AUTS2: variants seen among roughly 807,000 people sequenced by gnomAD.
The protein encoded by AUTS2 is autism susceptibility gene 2 protein.
AUTS2 carries 17 observed loss-of-function variants against 112.4 expected under a neutral mutation model. That is an observed-to-expected ratio of 0.15 (90% CI 0.10 to 0.23). The LOEUF (loss-of-function observed/expected upper bound fraction) is 0.23, where lower values mean the gene tolerates loss of function less well. Among genes scored for constraint, AUTS2 ranks in the 10% least tolerant of loss-of-function variants. The probability of loss-of-function intolerance (pLI) is 1.00; values close to 1 mark genes in which losing one functional copy is unlikely to be tolerated. For synonymous variants in AUTS2, 751 were observed against 702.7 expected (o/e 1.07, Z -1.09); for missense variants, 1,510 against 1,701.6 (o/e 0.89, Z 1.98).
intron 4 of AUTS2, among the ~76,000 whole-genome samples, chr7:70,337,967 A>G (rs529803651): frequency 6.6e-6 from 1 of 152,348 alleles, no homozygotes; most frequent in East Asian, 1.9e-4. Flanking sequence ...ATTTTTAAAT[A>G]CTAATTTTAC....
At chr7:69,726,566 A>G (rs1307888817) in intron 1 of AUTS2, among the ~76,000 whole-genome samples, 1 of 151,364 alleles carries the variant, frequency 6.6e-6, no homozygotes, top group African/African-American at 2.4e-5. Context: ...TAAGTGCCTA[A>G]TTGTGGAATT....
intron 6 of AUTS2, among the ~76,000 whole-genome samples, chr7:70,713,854 C>T (rs1810200549): frequency 6.6e-6 from 1 of 151,476 alleles, no homozygotes; most frequent in South Asian, 2.1e-4. Flanking sequence ...GGAGATCGCG[C>T]CATTGCACTC....
chr7:70,432,226 C>T (rs1235489561), intron 4 of AUTS2, among the ~76,000 whole-genome samples: 1 of 152,190 alleles, frequency 6.6e-6, no homozygotes, highest in Non-Finnish European at 1.5e-5. Context: ...CGCTGGGACG[C>T]CGTCTCTGCA....
At position 70,120,894 on chromosome 7, in the gene AUTS2, C is replaced by T. The variant is rs76115707; in HGVS notation, c.624+2661C>T. On this transcript the variant is annotated intron_variant, in intron 3 of 18. Transcript: ENST00000342771. ...TGGCATAAGGCCTTAATAACCAACA[C>T]AGTCTGGAAAAAGAGCAAAGTTAGA... 3.0e-3 allele frequency among the ~76,000 whole-genome samples: 450 copies of T among 152,240 alleles called. 16 individuals carry two copies. In the East Asian group the frequency reaches 0.074, roughly 25 times the overall value.
At chr7:70,743,468 CAAAAAAAAAA>C (rs35444664) in intron 6 of AUTS2, among the ~76,000 whole-genome samples, 4 of 71,252 alleles carry the variant, frequency 5.6e-5, no homozygotes, top group Middle Eastern at 8.9e-3. Context: ...GACTCTGTCT[CAAAAAAAAAA>C]AAAAAAAAAA....
intron 1 of AUTS2, among the ~76,000 whole-genome samples, chr7:69,816,965 T>G (rs1232797245): frequency 6.6e-6 from 1 of 152,242 alleles, no homozygotes; most frequent in Non-Finnish European, 1.5e-5. Context: ...TTGTGACCTC[T>G]GTTACCTCTT....
intron 4 of AUTS2, among the ~76,000 whole-genome samples, chr7:70,428,169 T>C (rs1175573110): frequency 6.6e-6 from 1 of 152,192 alleles, no homozygotes; most frequent in Non-Finnish European, 1.5e-5. Flanking sequence ...ATTTTCAGGT[T>C]TAAAAATTTA....
At chr7:70,729,499 C>T (rs534950481) in intron 6 of AUTS2, among the ~76,000 whole-genome samples, 20 of 152,322 alleles carry the variant, frequency 1.3e-4, no homozygotes, top group Non-Finnish European at 2.2e-4. Context: ...ATTCAACCCT[C>T]GTTTTCTGTT....
intron 4 of AUTS2, among the ~76,000 whole-genome samples, chr7:70,225,230 T>C (rs1811701555): frequency 6.6e-6 from 1 of 152,220 alleles, no homozygotes; most frequent in South Asian, 2.1e-4. Flanking sequence ...CAGATGCAAA[T>C]TAAAGAAATA....
intron 5 of AUTS2, among the ~76,000 whole-genome samples, chr7:70,673,679 T>C (rs1807763068): frequency 1.3e-5 from 2 of 152,130 alleles, no homozygotes; most frequent in South Asian, 4.1e-4. Flanking sequence ...CCTGGCCGGA[T>C]TGTACTCTTT....
intron 4 of AUTS2, among the ~76,000 whole-genome samples, chr7:70,275,946 C>T (rs953169616): frequency 6.6e-6 from 1 of 152,106 alleles, no homozygotes; most frequent in Non-Finnish European, 1.5e-5. Context: ...AGCATGAGAA[C>T]GTATTAATAC....
chr7:70,759,995 G>A lies in AUTS2; in HGVS notation c.743-2875G>A, dbSNP rs528167081. On this transcript the variant is annotated intron_variant, in intron 6 of 18. Transcript: ENST00000342771. ...ACCAGCCCAGTCTGGAGAAAACAGA[G>A]TAATACAAAAAGATTTTTTTTTTTT... Among the ~76,000 whole-genome samples, 6 of 152,150 alleles carry A rather than the reference G, an allele frequency of 3.9e-5. No homozygotes were observed. In the South Asian group the frequency reaches 1.0e-3, roughly 26 times the overall value.
intron 5 of AUTS2, among the ~76,000 whole-genome samples, chr7:70,574,726 A>G (rs1254109927): frequency 6.6e-6 from 1 of 152,172 alleles, no homozygotes; most frequent in Non-Finnish European, 1.5e-5. Context: ...AGGAGCCACT[A>G]ACTAGGGCAG....
rs376114323 is a variant in AUTS2, at chr7:70,781,778, G to C, written c.2146+22G>C. The C allele has an allele frequency of 4.3e-6, 7 of 1,611,284 alleles. No individual in the cohort carries two copies. In the African/African-American group the frequency reaches 9.4e-5, roughly 22 times the overall value. Reference sequence around the variant, plus strand: ...GCTGGTGAGTGTGGGTTTGGGTGGGGGGACAGAGCTGAGAAATGTAGTTCT... The same window carrying C: ...GCTGGTGAGTGTGGGTTTGGGTGGGCGGACAGAGCTGAGAAATGTAGTTCT... On this transcript the variant is annotated intron_variant, in intron 15 of 18. Coordinates refer to ENST00000342771, the MANE Select transcript of AUTS2 (RefSeq NM_015570.4).
intron 5 of AUTS2, among the ~76,000 whole-genome samples, chr7:70,561,716 G>T (rs1016550636): frequency 6.6e-6 from 1 of 152,074 alleles, no homozygotes; most frequent in Non-Finnish European, 1.5e-5. Flanking sequence ...ATATACCCAA[G>T]GAGGGAAGGA....
intron 2 of AUTS2, among the ~76,000 whole-genome samples, chr7:70,007,406 G>A (rs1224056906): frequency 6.6e-6 from 1 of 151,892 alleles, no homozygotes; most frequent in Non-Finnish European, 1.5e-5. Context: ...TTTCCTTGTA[G>A]CTTTTTTTTA....
intron 5 of AUTS2, among the ~76,000 whole-genome samples, chr7:70,543,362 C>T (rs949946745): frequency 1.3e-5 from 2 of 151,970 alleles, no homozygotes; most frequent in South Asian, 2.1e-4. Context: ...ATTAGCCAGG[C>T]ACCTATAATC....
At chr7:70,281,918 A>G (rs769311220) in intron 4 of AUTS2, among the ~76,000 whole-genome samples, 43 of 152,188 alleles carry the variant, frequency 2.8e-4, no homozygotes, top group Admixed American at 1.4e-3. Flanking sequence ...CAACCCCCTG[A>G]CCCATAACAA....
chr7:70,170,589 C>T (rs1053951599), intron 4 of AUTS2, among the ~76,000 whole-genome samples: 2 of 144,754 alleles, frequency 1.4e-5, no homozygotes, highest in East Asian at 2.1e-4. Context: ...ACTAGGGACA[C>T]GTTATCTTTT....
Sources: gnomAD v4.1 joint callset for allele counts (sites outside exome capture counted in the v4.1 genomes callset) on GRCh38, gnomAD v4.1.1 for gene constraint, MANE v1.5 for transcripts, NCBI Gene and HGNC (gene_info 2026-07-23, HGNC 2026-07-21) for gene names.